The following CLSTN2 variants were observed in gnomAD, a reference collection of about 807,000 sequenced individuals.
CLSTN2 encodes calsyntenin 2.
Under a neutral mutation model 101.2 loss-of-function variants are expected in CLSTN2, and 48 were observed. The ratio of observed to expected loss-of-function variants is 0.47; its 90% CI spans 0.38 to 0.60. CLSTN2 has a LOEUF of 0.60. Ranked by LOEUF, CLSTN2 falls within the 20% of genes least tolerant of loss-of-function variation. The pLI is 0.00. For missense variants in CLSTN2, 1,160 were observed against 1,238.2 expected (o/e 0.94, Z 0.95); for synonymous variants, 481 against 463.6 (o/e 1.04, Z -0.48).
At chr3:140,287,323 T>C (rs138788467) in intron 2 of CLSTN2, among the ~76,000 whole-genome samples, 4 of 152,166 alleles carry the variant, frequency 2.6e-5, no homozygotes, top group Admixed American at 1.3e-4. Context: ...TTCTAGAAAA[T>C]GCAAACTTAT....
intron 8 of CLSTN2, among the ~76,000 whole-genome samples, chr3:140,468,640 C>T (rs1280687267): frequency 1.3e-5 from 2 of 152,210 alleles, no homozygotes; most frequent in African/African-American, 4.8e-5. Context: ...TAATGTGTGG[C>T]AAGAGACTGA....
intron 1 of CLSTN2, among the ~76,000 whole-genome samples, chr3:140,031,783 A>C (rs1389808825): frequency 6.6e-6 from 1 of 152,256 alleles, no homozygotes; most frequent in Non-Finnish European, 1.5e-5. Context: ...GGGTGATGCT[A>C]TCCAAAGTCT....
chr3:140,252,352 C>T (rs2086571613), intron 2 of CLSTN2, among the ~76,000 whole-genome samples: 1 of 152,130 alleles, frequency 6.6e-6, no homozygotes, highest in Non-Finnish European at 1.5e-5. Context: ...TGAACTAGCA[C>T]TCAGAGATGC....
At chr3:140,078,481 C>A (rs1199722389) in intron 1 of CLSTN2, among the ~76,000 whole-genome samples, 1 of 152,180 alleles carries the variant, frequency 6.6e-6, no homozygotes, top group Non-Finnish European at 1.5e-5. Context: ...GAATTGCAAA[C>A]CGACAGCAGC....
intron 2 of CLSTN2, among the ~76,000 whole-genome samples, chr3:140,182,323 A>G (rs2010421051): frequency 6.6e-6 from 1 of 152,122 alleles, no homozygotes. Context: ...GTAAACTAAT[A>G]TTTAGGCAGT....
intron 7 of CLSTN2, among the ~76,000 whole-genome samples, chr3:140,465,887 AT>A (rs1440506976): frequency 2.0e-5 from 3 of 152,204 alleles, no homozygotes; most frequent in Non-Finnish European, 4.4e-5. Context: ...GTGTTCGATA[AT>A]GTAATAAGGT....
chr3:140,475,480 G>A (rs556974824), intron 8 of CLSTN2, among the ~76,000 whole-genome samples: 39 of 152,088 alleles, frequency 2.6e-4, no homozygotes, highest in Non-Finnish European at 2.9e-4. Context: ...TTATTACTTG[G>A]ATTTTCTTTA....
intron 2 of CLSTN2, among the ~76,000 whole-genome samples, chr3:140,279,967 C>G (rs922306193): frequency 2.0e-5 from 3 of 152,162 alleles, no homozygotes; most frequent in South Asian, 2.1e-4. Flanking sequence ...CTTGGTGGCT[C>G]GCTCCACTCT....
chr3:140,219,263 CA>C (rs1183984411), intron 2 of CLSTN2, among the ~76,000 whole-genome samples: 1 of 152,008 alleles, frequency 6.6e-6, no homozygotes, highest in African/African-American at 2.4e-5. Context: ...CTCACATGTG[CA>C]GCCAAGGACT....
intron 2 of CLSTN2, among the ~76,000 whole-genome samples, chr3:140,183,086 G>A (rs112281710): frequency 1.2e-3 from 177 of 152,290 alleles, no homozygotes; most frequent in African/African-American, 3.8e-3. Flanking sequence ...CTGATTGATG[G>A]TAGAAGGTGA....
At chr3:140,421,466 G>A (rs752630799) in intron 5 of CLSTN2, among the ~76,000 whole-genome samples, 192 bp downstream of exon 5, 54 of 152,104 alleles carry the variant, frequency 3.6e-4, no homozygotes, top group Non-Finnish European at 6.5e-4. Context: ...TGAGAATGTC[G>A]AAGACATCTC....
rs190413267 is a variant in CLSTN2 at position 139,995,530 on chromosome 3, T to C, written c.109+60047T>C. Among the ~76,000 whole-genome samples the C allele has an allele frequency of 1.4e-3, 219 of 152,302 alleles. 2 individuals carry two copies. Among genetic ancestry groups the C allele is most frequent in the Admixed American group, 0.014 (211 of 15,292 alleles). ...ATCCCTTGAATTCTTCATCTCTGAA[T>C]TGTCTGCAGTTCTGGACATCTTGAT... On this transcript the variant is annotated intron_variant, in intron 1 of 16. Transcript: ENST00000458420.
At position 140,051,007 on chromosome 3, in the gene CLSTN2, C is replaced by T. The variant is rs940723290; in HGVS notation, c.109+115524C>T. 4.6e-5 allele frequency among the ~76,000 whole-genome samples: 7 copies of T among 152,258 alleles called. No individual in the cohort carries two copies. The South Asian group carries it at 6.2e-4, about 14-fold the overall frequency. On this transcript the variant is annotated intron_variant, in intron 1 of 16. Coordinates refer to ENST00000458420, the MANE Select transcript of CLSTN2 (RefSeq NM_022131.3). Reference sequence around the variant, plus strand: ...GAACAACAAAAGAACACACAAAGGGCACATTTGGGGGCTGTCCTGGATTGA... The same window carrying T: ...GAACAACAAAAGAACACACAAAGGGTACATTTGGGGGCTGTCCTGGATTGA...
chr3:140,403,501 G>A lies in CLSTN2; in HGVS notation c.233-128G>A, dbSNP rs967318601. The A allele has an allele frequency of 8.9e-6, 7 of 788,472 alleles. 1 individual carries two copies. Among genetic ancestry groups the A allele is most frequent in the Middle Eastern group, 3.7e-4 (1 of 2,690 alleles). 48.8% of individuals were successfully genotyped at this position (788,472 alleles called of 1,614,324 possible). On this transcript the variant is annotated intron_variant, in intron 2 of 16. Coordinates refer to ENST00000458420, the MANE Select transcript of CLSTN2 (RefSeq NM_022131.3). ...GGCAATGCTGATGCTGCTGGCTCGT[G>A]GACCACACTATGTGCGTGGAAGAAA...
At chr3:140,060,084 G>C (rs1368720739) in intron 1 of CLSTN2, among the ~76,000 whole-genome samples, 2 of 152,124 alleles carry the variant, frequency 1.3e-5, no homozygotes, top group Non-Finnish European at 2.9e-5. Context: ...GCTGTTAGGG[G>C]AATTAAATAA....
In CLSTN2 at chr3:140,232,030, A is replaced by G. The variant is rs145458699; in HGVS notation, c.232+55957A>G. On this transcript the variant is annotated intron_variant, in intron 2 of 16. Coordinates refer to ENST00000458420, the MANE Select transcript of CLSTN2 (RefSeq NM_022131.3). ...TATATATCTTTGGGTCAGTGTGAGG[A>G]TTCAACGAGGAAAAGTATTTAAAAT... 5.8e-4 allele frequency among the ~76,000 whole-genome samples: 89 copies of G among 152,340 alleles called. 1 individual carries two copies. Among genetic ancestry groups the G allele is most frequent in the African/African-American group, 2.0e-3 (82 of 41,580 alleles).
intron 1 of CLSTN2, among the ~76,000 whole-genome samples, chr3:140,023,452 G>A (rs1401886131): frequency 6.6e-6 from 1 of 152,208 alleles, no homozygotes; most frequent in East Asian, 1.9e-4. Context: ...ACAGTTCAGA[G>A]TGAGGAGGAC....
chr3:139,985,669 A>G (rs1157878756), intron 1 of CLSTN2, among the ~76,000 whole-genome samples: 2 of 152,186 alleles, frequency 1.3e-5, no homozygotes, highest in Non-Finnish European at 2.9e-5. Context: ...GGCTTATTTG[A>G]AACAGAGACT....
intron 4 of CLSTN2, among the ~76,000 whole-genome samples, chr3:140,408,344 C>T (rs1375700913): frequency 1.3e-5 from 2 of 152,128 alleles, no homozygotes; most frequent in African/African-American, 4.8e-5. Flanking sequence ...ATGGCTGAGA[C>T]ATTTGGAGAC....
Sources: allele counts gnomAD v4.1 joint callset (sites outside exome capture counted in the v4.1 genomes callset), GRCh38; gene constraint gnomAD v4.1.1; transcripts MANE v1.5; gene names NCBI Gene and HGNC (gene_info 2026-07-23, HGNC 2026-07-21).